The following TXN2 variants were observed in gnomAD, a reference collection of about 807,000 sequenced individuals.
The protein encoded by TXN2 is thioredoxin, mitochondrial.
Under a neutral mutation model 14.6 loss-of-function variants are expected in TXN2, and 12 were observed. The observed-to-expected ratio is 0.82, with a 90% CI of 0.53 to 1.33. The LOEUF (loss-of-function observed/expected upper bound fraction) is 1.33, where lower values mean the gene tolerates loss of function less well. Ranked by LOEUF, TXN2 falls within the 40% of genes most tolerant of loss-of-function variation. The pLI is 0.00. For synonymous variants in TXN2, 89 were observed against 81.0 expected, an observed-to-expected ratio of 1.10 and a Z score of -0.53; for missense variants, 173 against 207.7, an observed-to-expected ratio of 0.83 and a Z score of 1.03.
chr22:36,467,971 C>T (rs1432472941), intron 3 of TXN2, 54 bp from the exon 4 acceptor site: 17 of 1,469,152 alleles, frequency 1.2e-5, no homozygotes, highest in Middle Eastern at 1.7e-4. Flanking sequence ...TACTTCTCAA[C>T]TGCCACTCCT....
chr22:36,471,711 G>A (rs1373082217), intron 3 of TXN2, among the ~76,000 whole-genome samples: 2 of 152,192 alleles, frequency 1.3e-5, no homozygotes, highest in African/African-American at 4.8e-5. Context: ...GCTCCTGCCT[G>A]TAATCCCAGC....
intron 3 of TXN2, among the ~76,000 whole-genome samples, chr22:36,469,557 T>C (rs12159290): frequency 0.17 from 26,216 of 152,092 alleles, 3,036 homozygotes; most frequent in African/African-American, 0.33. Flanking sequence ...GCATAGGTTA[T>C]GTGGAACGTG....
At position 36,481,584 on chromosome 22, in the gene TXN2, G is replaced by C. The variant is rs566223025; in HGVS notation, c.-21C>G. The C allele has an allele frequency of 1.0e-6, 1 of 1,000,230 alleles. No homozygotes were observed. The highest frequency in any genetic ancestry group is 1.7e-5 in the African/African-American group (1 of 57,214). 62.0% of individuals were successfully genotyped at this position (1,000,230 alleles called of 1,614,324 possible). A position where few individuals can be genotyped will look rare whatever the true frequency, so the allele number is the denominator to read the frequency against. ...CCTACCTCCCTGCAATGCGAGCGGA[G>C]GGATGCACAGCCTAGCCCTCCCTGC... On this transcript the variant is annotated 5_prime_UTR_variant, in exon 1 of 4. Transcript: ENST00000216185.
chr22:36,480,684 T>C lies in TXN2; in HGVS notation c.154A>G (p.Ile52Val). The stretch of plus-strand genomic sequence containing the variant: ...GTCAAGGAGATCCTCGTGGTGTATA[T>C]TGTCCGGGCTGGGTTGGGTGTTACA... ...LTVTPNPART[I>V]YTTRISLTTF... The change falls in exon 2 of 4, where the codon ATA becomes GTA. Residue 52 changes from isoleucine to valine, a missense_variant. By Grantham distance (29) the Ile-to-Val change is conservative (BLOSUM62 3). Coordinates refer to ENST00000216185, the MANE Select transcript of TXN2 (RefSeq NM_012473.4). 5 of 1,614,166 alleles carry C rather than the reference T, an allele frequency of 3.1e-6. No individual in the cohort carries two copies. The highest frequency in any genetic ancestry group is 4.2e-6 in the Non-Finnish European group (5 of 1,180,040).
At chr22:36,477,503 C>T (rs907650499) in intron 2 of TXN2, among the ~76,000 whole-genome samples, 1 of 152,134 alleles carries the variant, frequency 6.6e-6, no homozygotes, top group Admixed American at 6.5e-5. Context: ...CCACCGCGCC[C>T]GGCCTGGGCC....
chr22:36,473,801 C>T (rs951667203), intron 3 of TXN2, among the ~76,000 whole-genome samples: 2 of 152,174 alleles, frequency 1.3e-5, no homozygotes, highest in Non-Finnish European at 2.9e-5. Flanking sequence ...TCTCACTTCC[C>T]AGGCTTCACC....
chr22:36,473,435 T>C (rs893022260), intron 3 of TXN2, among the ~76,000 whole-genome samples: 1 of 151,998 alleles, frequency 6.6e-6, no homozygotes, highest in Non-Finnish European at 1.5e-5. Context: ...AGAGCGAGAC[T>C]CCATCTCAAA....
In TXN2 at chr22:36,479,334, C is replaced by CTTT. The variant is rs773194867; in HGVS notation, c.263+1238_263+1240dup. Among the ~76,000 whole-genome samples the CTTT allele has an allele frequency of 1.1e-4, 15 of 139,414 alleles. 1 individual carries two copies. Among genetic ancestry groups the CTTT allele is most frequent in the African/African-American group, 3.4e-4 (13 of 38,122 alleles). The allele number at this position is 139,414 out of a possible 152,430, so 91.5% of individuals were successfully genotyped here. On this transcript the variant is annotated intron_variant, in intron 2 of 3. Transcript: ENST00000216185. ...CCAGAAGGCCCTTCAATTTCTTTTT[C>CTTT]TTTTTTTTTTTTTTTGAGATGGAGT...
At position 36,473,749 on chromosome 22, in the gene TXN2, G is replaced by A. The variant is rs532473333; in HGVS notation, c.387+2984C>T. On this transcript the variant is annotated intron_variant, in intron 3 of 3. Transcript: ENST00000216185. The stretch of plus-strand genomic sequence containing the variant: ...GCAGTGGACAGGGCGGGAGCGGTGG[G>A]TGTGGGGGGAGATTGAGAGGATTCC... Among the ~76,000 whole-genome samples, 4 of 152,274 alleles carry A rather than the reference G, an allele frequency of 2.6e-5. No homozygotes were observed. In the East Asian group the frequency reaches 5.8e-4, roughly 22 times the overall value.
In TXN2 at chr22:36,480,734, G is replaced by A. The variant is rs764895866; in HGVS notation, c.104C>T (p.Pro35Leu). Residue 35 changes from proline to leucine, a missense_variant, in exon 2 of 4, where the codon CCA becomes CTA. Coordinates refer to ENST00000216185, the MANE Select transcript of TXN2 (RefSeq NM_012473.4). Reference sequence around the variant, plus strand: ...AGTCAGGCCACCAGGACTGCATTGTGGGGTCTGCAGGGCTCTGGAAGTGAG... The same window carrying A: ...AGTCAGGCCACCAGGACTGCATTGTAGGGTCTGCAGGGCTCTGGAAGTGAG... ...PPLTSRALQT[P>L]QCSPGGLTVT... 1.1e-5 allele frequency: 18 copies of A among 1,614,108 alleles called. No homozygotes were observed. Among genetic ancestry groups the A allele is most frequent in the South Asian group, 5.5e-5 (5 of 91,082 alleles).
At chr22:36,481,448 TG>T in intron 1 of TXN2, 115 bp downstream of exon 1, 2 of 316,980 alleles carry the variant, frequency 6.3e-6, no homozygotes, top group South Asian at 1.2e-4. Context: ...CCAGGGACCC[TG>T]GCTCTCCGGC....
chr22:36,481,034 G>A, intron 1 of TXN2, 197 bp from the exon 2 acceptor site: 4 of 536,672 alleles, frequency 7.5e-6, no homozygotes, highest in South Asian at 4.2e-5. Context: ...CAAACCAGAA[G>A]GACAGGAAAA....
chr22:36,473,200 T>C lies in TXN2; in HGVS notation c.387+3533A>G, dbSNP rs183908896. 3.6e-3 allele frequency among the ~76,000 whole-genome samples: 542 copies of C among 152,230 alleles called. 3 individuals are homozygous for C. Among genetic ancestry groups the C allele is most frequent in the African/African-American group, 0.012 (492 of 41,542 alleles). ...GCTCACGCCCGCAATCCTAGCACTT[T>C]GGGAGGCCGAGGCGGGCTGATCACC... On this transcript the variant is annotated intron_variant, in intron 3 of 3. Coordinates refer to ENST00000216185, the MANE Select transcript of TXN2 (RefSeq NM_012473.4).
In TXN2 at chr22:36,481,640, C is replaced by A. The variant is rs61670284; in HGVS notation, c.-77G>T. 6.3e-6 allele frequency: 6 copies of A among 949,388 alleles called. No individual in the cohort carries two copies. Among genetic ancestry groups the A allele is most frequent in the Non-Finnish European group, 7.5e-6 (6 of 798,702 alleles). The allele number at this position is 949,388 out of a possible 1,614,324, so 58.8% of individuals were successfully genotyped here. On this transcript the variant is annotated 5_prime_UTR_variant, in exon 1 of 4. Transcript: ENST00000216185. ...AAGGGCACGCCTGTCGTCACTTCCT[C>A]GGGGGGGGACGTACATAACGTCACT...
At chr22:36,475,427 C>T (rs1169210406) in intron 3 of TXN2, among the ~76,000 whole-genome samples, 3 of 152,214 alleles carry the variant, frequency 2.0e-5, no homozygotes, top group Non-Finnish European at 4.4e-5. Flanking sequence ...TCCTCTCTTC[C>T]TGATGTATTT....
At chr22:36,472,637 C>T (rs1933305795) in intron 3 of TXN2, among the ~76,000 whole-genome samples, 1 of 151,890 alleles carries the variant, frequency 6.6e-6, no homozygotes, top group African/African-American at 2.4e-5. Context: ...AGAACAACAA[C>T]AAAAAATGAG....
rs372739295 is a variant in TXN2, at chr22:36,474,420, T to C, written c.387+2313A>G. ...CACCCCGCTCCCAACCACCCATTTCTTGCTGCAGGAGACTGGTTCAGGGAT... is the reference window on the plus strand; with the variant it reads ...CACCCCGCTCCCAACCACCCATTTCCTGCTGCAGGAGACTGGTTCAGGGAT... On this transcript the variant is annotated intron_variant, in intron 3 of 3. Transcript: ENST00000216185. 3.2e-3 allele frequency among the ~76,000 whole-genome samples: 493 copies of C among 152,292 alleles called. 3 individuals are homozygous for C. The highest frequency in any genetic ancestry group is 0.011 in the African/African-American group (472 of 41,584).
Position 36,467,909 on chromosome 22 carries a change from C to T in TXN2, c.396G>A (p.Ala132=), listed in dbSNP as rs750470250. ...TDLAIEYEVS[A]VPTVLAMKNG... ...TCTTCATGGCCAGCACAGTGGGCAC[C>T]GCTGACACCTGGGTGGAGAGGACAA... is the stretch of plus-strand genomic sequence containing the variant. Residue 132 remains alanine (A), a synonymous_variant, in exon 4 of 4, where the codon GCG becomes GCA. Transcript: ENST00000216185. 88 of 1,614,006 alleles carry T rather than the reference C, an allele frequency of 5.5e-5. No homozygotes were observed. The highest frequency in any genetic ancestry group is 1.1e-4 in the African/African-American group (8 of 74,940).
chr22:36,479,694 G>T (rs995697696), intron 2 of TXN2, among the ~76,000 whole-genome samples: 2 of 152,016 alleles, frequency 1.3e-5, no homozygotes, highest in Non-Finnish European at 2.9e-5. Context: ...TCATTCAGAG[G>T]GCTTTGTCCA....
Sources: allele counts gnomAD v4.1 joint callset (sites outside exome capture counted in the v4.1 genomes callset), GRCh38; gene constraint gnomAD v4.1.1; transcripts MANE v1.5; gene names NCBI Gene and HGNC (gene_info 2026-07-23, HGNC 2026-07-21).